Variants in JAKMIP3 observed in about 807,000 individuals in gnomAD.
The protein encoded by JAKMIP3 is Janus kinase and microtubule interacting protein 3.
JAKMIP3 carries 58 observed loss-of-function variants against 118.5 expected under a neutral mutation model. The ratio of observed to expected loss-of-function variants is 0.49; its 90% CI spans 0.40 to 0.61. The LOEUF (loss-of-function observed/expected upper bound fraction) is 0.61. JAKMIP3 is among the 20% of genes least tolerant of loss of function. JAKMIP3 has a pLI of 0.00. For synonymous variants in JAKMIP3, 486 were observed against 451.2 expected, an observed-to-expected ratio of 1.08 and a Z score of -0.98; for missense variants, 950 against 1,109.0, an observed-to-expected ratio of 0.86 and a Z score of 2.04.
At chr10:132,068,218 C>CTGTGGGCTTCCGTGTGG (rs1564861885) in intron 1 of JAKMIP3, among the ~76,000 whole-genome samples, 5 of 147,234 alleles carry the variant, frequency 3.4e-5, no homozygotes, top group East Asian at 4.0e-4. Context: ...CTTCCGTGTG[C>CTGTGGGCTTCCGTGTGG]ACTGTGGCTT....
rs1196753837 is a variant in JAKMIP3, at chr10:132,180,738, C to CGTGT, written c.*1104-1616_*1104-1615insTGTG. 1.7e-3 allele frequency among the ~76,000 whole-genome samples: 13 copies of CGTGT among 7,458 alleles called. 3 individuals carry two copies. Among genetic ancestry groups the CGTGT allele is most frequent in the South Asian group, 9.3e-3 (2 of 216 alleles). The allele number at this position is 7,458 out of a possible 152,430, so 4.9% of individuals were successfully genotyped here. A position where few individuals can be genotyped will look rare whatever the true frequency, so the allele number is the denominator to read the frequency against. ...GTGTGTGCGTGTGTGTGCGTGTGTG[C>CGTGT]GTGCGTGCGCGCGCGTGTGTGCGTG... On this transcript the variant is annotated intron_variant, in intron 23 of 23. Transcript: ENST00000684848.
chr10:132,180,758 T>TGCGCGTGTGTGC (rs1554963450), intron 23 of JAKMIP3, among the ~76,000 whole-genome samples: 1 of 18,060 alleles, frequency 5.5e-5, no homozygotes, highest in Non-Finnish European at 1.0e-4. Flanking sequence ...CGCGCGTGTG[T>TGCGCGTGTGTGC]GCGTGTGTGT....
At chr10:132,163,479 G>T (rs1007014848) in intron 20 of JAKMIP3, 67 bp downstream of exon 20, 6 of 1,422,934 alleles carry the variant, frequency 4.2e-6, no homozygotes, top group Non-Finnish European at 5.7e-6. Context: ...GCCAGGGGGG[G>T]TCCTCCCACG....
rs1393321171 is a variant in JAKMIP3 at position 132,113,129 on chromosome 10, G to A, written c.136-3948G>A. Among the ~76,000 whole-genome samples the A allele has an allele frequency of 2.0e-5, 3 of 152,192 alleles. No homozygotes were observed. The East Asian group carries it at 5.8e-4, about 29-fold the overall frequency. ...TAGCCACTCTTGGCCTGCTTTAGGG[G>A]ATTCAATTTGCACCTCCCAGGATTC... On this transcript the variant is annotated intron_variant, in intron 2 of 23. Transcript: ENST00000684848.
intron 1 of JAKMIP3, among the ~76,000 whole-genome samples, chr10:132,068,082 CTGTG>C (rs2039190456): frequency 3.6e-5 from 1 of 27,680 alleles, no homozygotes; most frequent in East Asian, 1.7e-3. Context: ...CTGTGGGTTT[CTGTG>C]TGGACTGTGG....
chr10:132,097,974 T>C (rs1375704239), intron 1 of JAKMIP3, among the ~76,000 whole-genome samples: 6,605 of 29,668 alleles, frequency 0.22, 1,827 homozygotes, highest in Non-Finnish European at 0.32. Context: ...TCCTTCCTTT[T>C]CTCCCCTTCC....
At chr10:132,069,673 A>G (rs898018266) in intron 1 of JAKMIP3, among the ~76,000 whole-genome samples, 2 of 152,210 alleles carry the variant, frequency 1.3e-5, no homozygotes, top group African/African-American at 4.8e-5. Flanking sequence ...TGGCAGGTGC[A>G]TAGCACCTGA....
intron 3 of JAKMIP3, among the ~76,000 whole-genome samples, chr10:132,129,706 C>T (rs962023689): frequency 1.3e-5 from 2 of 152,258 alleles, no homozygotes; most frequent in Non-Finnish European, 2.9e-5. Context: ...GGGGCTGTGA[C>T]GCTGTGTGTC....
rs1190908912 is a variant in JAKMIP3, at chr10:132,117,592, GGCGGGC to G, written c.633+20_633+25del. On this transcript the variant is annotated intron_variant, in intron 3 of 23. Transcript: ENST00000684848. The surrounding 1 kb of genome is among the most constrained non-coding windows in gnomAD (Gnocchi z 8.6). ...GCAGGCTGGTACGTGGGCAGGCAGG[GGCGGGC>G]GTGGGCGAGGGTGCAGGGGCGGGCG... 9 of 905,148 alleles carry G rather than the reference GGCGGGC, an allele frequency of 9.9e-6. No individual in the cohort carries two copies. In the Admixed American group the frequency reaches 1.4e-4, roughly 14 times the overall value. 56.1% of individuals were successfully genotyped at this position (905,148 alleles called of 1,614,324 possible).
At chr10:132,107,063 T>A (rs35707902) in intron 2 of JAKMIP3, among the ~76,000 whole-genome samples, 30,299 of 150,202 alleles carry the variant, frequency 0.2, 3,230 homozygotes, top group African/African-American at 0.29. Context: ...TTTTTTTTTT[T>A]TTTAACTTTT....
intron 1 of JAKMIP3, among the ~76,000 whole-genome samples, chr10:132,086,815 C>T (rs1303828115): frequency 2.0e-5 from 3 of 152,296 alleles, no homozygotes. Context: ...ACCCATTCTG[C>T]AATTCTGTAT....
chr10:132,150,138 C>A (rs539402217), intron 16 of JAKMIP3, 97 bp downstream of exon 16: 2 of 929,784 alleles, frequency 2.2e-6, no homozygotes, highest in East Asian at 6.2e-5. Context: ...TCCCACAGCC[C>A]TGCCATGGGC....
At chr10:132,116,547 C>T (rs2047696285) in intron 2 of JAKMIP3, among the ~76,000 whole-genome samples, 1 of 124,216 alleles carries the variant, frequency 8.1e-6, no homozygotes, top group African/African-American at 3.2e-5. Flanking sequence ...AATACACATT[C>T]AGATGTGTGA....
At chr10:132,052,304 A>G (rs2038125563) in intron 1 of JAKMIP3, among the ~76,000 whole-genome samples, 1 of 152,164 alleles carries the variant, frequency 6.6e-6, no homozygotes, top group Admixed American at 6.5e-5. Context: ...GTTAGTCTAA[A>G]TGTCTTCGTT....
chr10:132,140,076 G>A (rs754825808), intron 9 of JAKMIP3, among the ~76,000 whole-genome samples: 1 of 152,182 alleles, frequency 6.6e-6, no homozygotes, highest in Non-Finnish European at 1.5e-5. Flanking sequence ...TTTAAAAAAT[G>A]GAACAGAAAT....
rs1454621426 is a variant in JAKMIP3 at position 132,112,862 on chromosome 10, CCT to C, written c.136-4209_136-4208del. ...CCTGCCTCTGCCTGGCTGCGAATCC[CCT>C]CTCTCGCTCCCTCTGTCTTTCCCTT... is the stretch of plus-strand genomic sequence containing the variant. On this transcript the variant is annotated intron_variant, in intron 2 of 23. Transcript: ENST00000684848. The surrounding 1 kb of genome is among the most constrained non-coding windows in gnomAD (Gnocchi z 4.3). Among the ~76,000 whole-genome samples, 1 of 152,196 alleles carries C rather than the reference CCT, an allele frequency of 6.6e-6. No individual in the cohort carries two copies. Among genetic ancestry groups the C allele is most frequent in the Non-Finnish European group, 1.5e-5 (1 of 68,026 alleles).
intron 1 of JAKMIP3, among the ~76,000 whole-genome samples, chr10:132,093,234 G>T (rs2043335738): frequency 2.0e-5 from 3 of 152,218 alleles, no homozygotes; most frequent in African/African-American, 7.2e-5. Context: ...ACTTGAGGGG[G>T]CAGTCTGTCC....
intron 23 of JAKMIP3, among the ~76,000 whole-genome samples, chr10:132,177,826 C>T (rs112813772): frequency 0.016 from 1,904 of 122,088 alleles, 36 homozygotes; most frequent in African/African-American, 0.057. Context: ...GTTGTGCGTG[C>T]GCACCTGCTC....
At chr10:132,037,222 C>T (rs2133736127) in intron 1 of JAKMIP3, among the ~76,000 whole-genome samples, 1 of 152,256 alleles carries the variant, frequency 6.6e-6, no homozygotes, top group Non-Finnish European at 1.5e-5. Context: ...GAGGAGGCGC[C>T]GGCCTGGACA....
Sources: gnomAD v4.1 joint callset for allele counts (sites outside exome capture counted in the v4.1 genomes callset) on GRCh38, gnomAD v4.1.1 for gene constraint, Gnocchi (gnomAD v3.1) non-coding constraint, MANE v1.5 for transcripts, NCBI Gene and HGNC (gene_info 2026-07-23, HGNC 2026-07-21) for gene names.